FBXO38: variants seen among roughly 807,000 people sequenced by gnomAD.
FBXO38 encodes F-box only protein 38.
Under a neutral mutation model 131.9 loss-of-function variants are expected in FBXO38, and 53 were observed. That is an observed-to-expected ratio of 0.40 (90% CI 0.32 to 0.51). The LOEUF (loss-of-function observed/expected upper bound fraction) is 0.51, where lower values mean the gene tolerates loss of function less well. FBXO38 is among the 20% of genes least tolerant of loss of function. The pLI, the probability that FBXO38 is intolerant of heterozygous loss-of-function variation, is 0.53. For synonymous variants in FBXO38, 452 were observed against 505.6 expected, an observed-to-expected ratio of 0.89 and a Z score of 1.42; for missense variants, 1,076 against 1,475.6, an observed-to-expected ratio of 0.73 and a Z score of 4.44.
chr5:148,394,114 A>G (rs1581224597), intron 1 of FBXO38, among the ~76,000 whole-genome samples: 1 of 152,182 alleles, frequency 6.6e-6, no homozygotes, highest in African/African-American at 2.4e-5. Context: ...CTGAAGTTGT[A>G]TATAAGCTTG....
At chr5:148,438,261 G>T in intron 17 of FBXO38, 71 bp from the exon 18 acceptor site, 5 of 1,402,922 alleles carry the variant, frequency 3.6e-6, no homozygotes, top group Non-Finnish European at 4.9e-6. Context: ...GCAGTATTTT[G>T]TGCCAACAAA....
At chr5:148,425,028 G>GT (rs1167155708) in intron 13 of FBXO38, among the ~76,000 whole-genome samples, 1 of 152,162 alleles carries the variant, frequency 6.6e-6, no homozygotes, top group African/African-American at 2.4e-5. Context: ...CTTCAAAAAT[G>GT]TATCTGCTAC....
intron 5 of FBXO38, among the ~76,000 whole-genome samples, chr5:148,403,011 A>G (rs1257808559): frequency 6.6e-6 from 1 of 152,146 alleles, no homozygotes; most frequent in Non-Finnish European, 1.5e-5. Context: ...AGCATCAGGA[A>G]TGATAAGGAG....
rs144375164 is a variant in FBXO38 at position 148,402,059 on chromosome 5, T to C, written c.340T>C (p.Tyr114His). ...ACAGCTATATGGCCTTCACCCTCGA[T>C]ACCTTGAGAGGCGAAGAGTAAGGGG... The part of the protein sequence containing the change: ...VEQLYGLHPR[Y>H]LERRRVRGHE... The change falls in exon 4 of 22, where the codon TAC becomes CAC. Residue 114 changes from tyrosine to histidine, a missense_variant. Coordinates refer to ENST00000340253, the MANE Select transcript of FBXO38 (RefSeq NM_205836.3). The C allele has an allele frequency of 4.1e-5, 66 of 1,613,508 alleles. No individual in the cohort carries two copies. The highest frequency in any genetic ancestry group is 5.1e-5 in the Non-Finnish European group (60 of 1,179,614).
chr5:148,390,682 A>G (rs1758152107), intron 1 of FBXO38, among the ~76,000 whole-genome samples: 1 of 152,322 alleles, frequency 6.6e-6, no homozygotes, highest in East Asian at 1.9e-4. Flanking sequence ...GTGAGTAAAT[A>G]TTTGTTAACT....
chr5:148,427,455 G>T lies in FBXO38; in HGVS notation c.2161G>T (p.Ala721Ser), dbSNP rs769266191. 1 of 1,614,186 alleles carries T rather than the reference G, an allele frequency of 6.2e-7. No individual in the cohort carries two copies. Among genetic ancestry groups the T allele is most frequent in the Admixed American group, 1.7e-5 (1 of 60,018 alleles). The change falls in exon 15 of 22, where the codon GCT becomes TCT. Residue 721 changes from alanine (A) to serine (S), a missense_variant. Around this residue, in one of 8 missense-constraint regions of FBXO38, gnomAD observed 213 missense variants for 225.2 expected, o/e 0.95. Transcript: ENST00000340253. ...TVGNSSSHNT[A>S]SQSPDFVRTV... Reference sequence around the variant, plus strand: ...GGGAAACTCCAGCTCACACAACACTGCTTCTCAAAGCCCCGACTTTGTAAG... The same window carrying T: ...GGGAAACTCCAGCTCACACAACACTTCTTCTCAAAGCCCCGACTTTGTAAG...
intron 1 of FBXO38, among the ~76,000 whole-genome samples, chr5:148,384,293 T>C (rs1757795059): frequency 6.6e-6 from 1 of 152,172 alleles, no homozygotes; most frequent in Admixed American, 6.5e-5. Context: ...TAAAGAACTC[T>C]CTCTGGGCCC....
chr5:148,433,398 A>C, intron 15 of FBXO38, 26 bp from the exon 16 acceptor site: 1 of 1,571,806 alleles, frequency 6.4e-7, no homozygotes, highest in Middle Eastern at 1.7e-4. Context: ...TAAAATTTGG[A>C]TTTTCTTTTT....
intron 9 of FBXO38, chr5:148,413,348 T>A (rs566972341): frequency 1.3e-5 from 2 of 151,990 alleles, no homozygotes; most frequent in African/African-American, 4.8e-5. Flanking sequence ...CAGTGTTTTT[T>A]TTTTGTCCTG....
intron 19 of FBXO38, 136 bp downstream of exon 19, chr5:148,439,928 G>GT: frequency 1.2e-6 from 1 of 836,102 alleles, no homozygotes; most frequent in East Asian, 2.6e-5. Context: ...TGAAGTTAAC[G>GT]TAAGTAAGAA....
intron 12 of FBXO38, among the ~76,000 whole-genome samples, 171 bp downstream of exon 12, chr5:148,417,375 C>A (rs964950581): frequency 2.8e-4 from 42 of 152,224 alleles, no homozygotes; most frequent in Admixed American, 8.5e-4. Context: ...TCTTTTCTTG[C>A]TTGTTTCAAA....
At chr5:148,405,130 C>A in intron 6 of FBXO38, among the ~76,000 whole-genome samples, 1 of 151,846 alleles carries the variant, frequency 6.6e-6, no homozygotes, top group East Asian at 1.9e-4. Flanking sequence ...GTCTCCGAAT[C>A]ATTCTGCATG....
In FBXO38 at chr5:148,433,754, ATAT is replaced by A. The variant is rs143121025; in HGVS notation, c.2857+21_2857+23del. The A allele has an allele frequency of 9.1e-4, 1,284 of 1,407,962 alleles. 6 individuals carry two copies. The African/African-American group carries it at 0.014, about 15-fold the overall frequency. The allele number at this position is 1,407,962 out of a possible 1,614,324, so 87.2% of individuals were successfully genotyped here. ...TCATCCATGGTATGTATTTGGGCCC[ATAT>A]TATACAAGAGTATCATGAATGAGTT... On this transcript the variant is annotated intron_variant, in intron 17 of 21. Coordinates refer to ENST00000340253, the MANE Select transcript of FBXO38 (RefSeq NM_205836.3).
intron 1 of FBXO38, among the ~76,000 whole-genome samples, chr5:148,389,322 G>C (rs996413121): frequency 3.7e-4 from 56 of 152,168 alleles, no homozygotes; most frequent in African/African-American, 1.3e-3. Flanking sequence ...GCTGGAAAAA[G>C]GGCACCAATA....
Position 148,391,932 on chromosome 5 carries a change from A to T in FBXO38, c.-63-2782A>T, listed in dbSNP as rs916313333. Among the ~76,000 whole-genome samples, 4 of 151,800 alleles carry T rather than the reference A, an allele frequency of 2.6e-5. No individual in the cohort carries two copies. The South Asian group carries it at 6.2e-4, about 24-fold the overall frequency. On this transcript the variant is annotated intron_variant, in intron 1 of 21. Transcript: ENST00000340253. ...ATTTGTCTTTTTTATCATACTTTTT[A>T]AAAAAAGTTTTAGGGGGTAATCTTT...
At chr5:148,425,756 C>T in intron 14 of FBXO38, 55 bp downstream of exon 14, 1 of 1,496,058 alleles carries the variant, frequency 6.7e-7, no homozygotes, top group Non-Finnish European at 9.2e-7. Flanking sequence ...AGAACTGACA[C>T]ACTTGGCCTT....
Position 148,427,562 on chromosome 5 carries a change from G to T in FBXO38, c.2268G>T (p.Gly756=). The change falls in exon 15 of 22, where the codon GGG becomes GGT. Residue 756 remains glycine (G), a synonymous_variant. Transcript: ENST00000340253. ...VSRQCACSPG[G]SEDSEAMEEG... Reference sequence around the variant, plus strand: ...GGCAGTGTGCCTGCTCCCCCGGTGGGTCAGAGGACTCTGAGGCCATGGAGG... The same window carrying T: ...GGCAGTGTGCCTGCTCCCCCGGTGGTTCAGAGGACTCTGAGGCCATGGAGG... 6.2e-7 allele frequency: 1 copy of T among 1,614,162 alleles called. No individual in the cohort carries two copies. Among genetic ancestry groups the T allele is most frequent in the Non-Finnish European group, 8.5e-7 (1 of 1,180,026 alleles).
intron 17 of FBXO38, chr5:148,434,172 A>G (rs1409807376): frequency 6.6e-6 from 1 of 152,330 alleles, no homozygotes; most frequent in Non-Finnish European, 1.5e-5. Context: ...GTGGCCCATT[A>G]TCATTAATCC....
intron 2 of FBXO38, 111 bp downstream of exon 2, chr5:148,395,015 T>A (rs1424958552): frequency 2.6e-6 from 3 of 1,134,122 alleles, no homozygotes; most frequent in African/African-American, 1.6e-5. Context: ...ACATTTCAAT[T>A]AAGTAAAAAT....
Sources: allele counts gnomAD v4.1 joint callset (sites outside exome capture counted in the v4.1 genomes callset), GRCh38; gene constraint gnomAD v4.1.1; regional missense constraint gnomAD v4.1.1; transcripts MANE v1.5; gene names NCBI Gene and HGNC (gene_info 2026-07-23, HGNC 2026-07-21).